The following RALYL variants were observed in gnomAD, a reference collection of about 807,000 sequenced individuals.
RALYL encodes the protein RALY RNA binding protein like.
A neutral mutation model predicts 35.1 loss-of-function variants in RALYL; 29 were observed. The ratio of observed to expected loss-of-function variants is 0.83; its 90% confidence interval spans 0.61 to 1.13. RALYL has a LOEUF of 1.13. RALYL is among the 50% of genes most tolerant of loss of function. RALYL has a pLI of 0.00. For synonymous variants in RALYL, 120 were observed against 127.6 expected (o/e 0.94, Z 0.40); for missense variants, 359 against 360.4 (o/e 1.00, Z 0.03).
chr8:84,597,431 C>T (rs1564207322), intron 2 of RALYL, among the ~76,000 whole-genome samples: 1 of 152,116 alleles, frequency 6.6e-6, no homozygotes, highest in South Asian at 2.1e-4. Flanking sequence ...TTTTCTCCCT[C>T]CTTTCAAGCT....
chr8:84,773,414 A>G (rs989895609), intron 2 of RALYL, among the ~76,000 whole-genome samples: 4 of 152,176 alleles, frequency 2.6e-5, no homozygotes, highest in Non-Finnish European at 4.4e-5. Flanking sequence ...CATTTCTTGA[A>G]GCACATCTCC....
At chr8:84,222,749 T>G (rs544988877) in intron 1 of RALYL, among the ~76,000 whole-genome samples, 44 of 152,212 alleles carry the variant, frequency 2.9e-4, no homozygotes, top group African/African-American at 1.0e-3. Context: ...TGTGTACCAT[T>G]GAGAACTAAC....
At chr8:84,442,949 C>T (rs1301169365) in intron 1 of RALYL, among the ~76,000 whole-genome samples, 2 of 152,154 alleles carry the variant, frequency 1.3e-5, no homozygotes, top group Admixed American at 1.3e-4. Context: ...TGTTCTACTC[C>T]TCAATTTTCT....
chr8:84,184,761 A>C, intron 1 of RALYL: 3 of 398,262 alleles, frequency 7.5e-6, no homozygotes, highest in Non-Finnish European at 8.9e-6. Flanking sequence ...CGGGCCCTGT[A>C]AGTTCTCCGA....
intron 1 of RALYL, among the ~76,000 whole-genome samples, chr8:84,228,248 A>G (rs1274615398): frequency 1.3e-5 from 2 of 152,066 alleles, no homozygotes; most frequent in African/African-American, 2.4e-5. Flanking sequence ...GAGGAGGGCT[A>G]TGAAATACAG....
At chr8:84,456,352 A>C (rs896522086) in intron 1 of RALYL, among the ~76,000 whole-genome samples, 2 of 152,078 alleles carry the variant, frequency 1.3e-5, no homozygotes, top group Non-Finnish European at 2.9e-5. Context: ...TTATACCAAC[A>C]GGAAGCCAAG....
chr8:84,913,402 T>A (rs1405138733), intron 8 of RALYL, among the ~76,000 whole-genome samples: 1 of 152,060 alleles, frequency 6.6e-6, no homozygotes, highest in African/African-American at 2.4e-5. Context: ...AGAATTCAAC[T>A]TTTACTGAAT....
chr8:84,530,402 A>G (rs143811255), intron 2 of RALYL, among the ~76,000 whole-genome samples: 2 of 152,104 alleles, frequency 1.3e-5, no homozygotes, highest in East Asian at 3.9e-4. Context: ...TGCCCAGAAC[A>G]AAACCCATGA....
chr8:84,687,514 C>T lies in RALYL; in HGVS notation c.257-87065C>T, dbSNP rs1837061754. 1.3e-5 allele frequency among the ~76,000 whole-genome samples: 2 copies of T among 152,154 alleles called. 1 individual carries two copies. Among genetic ancestry groups the T allele is most frequent in the South Asian group, 4.1e-4 (2 of 4,824 alleles). ...GATCAAATTTATTATAGTTTCCGAT[C>T]CTTTGAGAACACTGAAATCTAAGTT... On this transcript the variant is annotated intron_variant, in intron 2 of 8. Transcript: ENST00000521268.
chr8:84,271,828 G>A (rs1381319340), intron 1 of RALYL, among the ~76,000 whole-genome samples: 4 of 152,240 alleles, frequency 2.6e-5, no homozygotes, highest in Middle Eastern at 3.4e-3. Flanking sequence ...GCTGGGAGGA[G>A]GAGTGGGGAA....
At chr8:84,221,732 C>A (rs1822268655) in intron 1 of RALYL, among the ~76,000 whole-genome samples, 1 of 151,964 alleles carries the variant, frequency 6.6e-6, no homozygotes, top group African/African-American at 2.4e-5. Flanking sequence ...ATAGGGAAAT[C>A]TAAAATTAAA....
intron 1 of RALYL, among the ~76,000 whole-genome samples, chr8:84,318,474 C>G (rs1844179890): frequency 6.6e-6 from 1 of 152,224 alleles, no homozygotes; most frequent in Non-Finnish European, 1.5e-5. Context: ...TTCTGTTTCT[C>G]TCACAACATT....
At chr8:84,833,960 GT>G (rs766619912) in intron 4 of RALYL, among the ~76,000 whole-genome samples, 1 of 151,708 alleles carries the variant, frequency 6.6e-6, no homozygotes, top group Non-Finnish European at 1.5e-5. Flanking sequence ...ATTATCATCT[GT>G]TTTGACATCA....
At chr8:84,395,027 G>A (rs1451348119) in intron 1 of RALYL, among the ~76,000 whole-genome samples, 1 of 151,672 alleles carries the variant, frequency 6.6e-6, no homozygotes. Flanking sequence ...CATGTTCCTG[G>A]TAAAACATTT....
At chr8:84,645,082 G>C (rs1298288067) in intron 2 of RALYL, among the ~76,000 whole-genome samples, 1 of 151,862 alleles carries the variant, frequency 6.6e-6, no homozygotes, top group Non-Finnish European at 1.5e-5. Context: ...ATAGAATTCA[G>C]TTTTGCTTTA....
intron 1 of RALYL, among the ~76,000 whole-genome samples, chr8:84,486,009 C>CTT (rs3043836): frequency 8.6e-4 from 90 of 104,920 alleles, no homozygotes; most frequent in African/African-American, 9.8e-4. Context: ...AAATCAAAAG[C>CTT]TTTTTTTTTT....
At chr8:84,531,067 A>G (rs983431181) in intron 2 of RALYL, among the ~76,000 whole-genome samples, 2 of 152,114 alleles carry the variant, frequency 1.3e-5, no homozygotes, top group African/African-American at 4.8e-5. Flanking sequence ...TTCACTGTCT[A>G]TTCTATTACT....
intron 1 of RALYL, among the ~76,000 whole-genome samples, chr8:84,251,576 T>C (rs1586552852): frequency 1.3e-5 from 2 of 152,264 alleles, no homozygotes; most frequent in Non-Finnish European, 2.9e-5. Context: ...ACATTCCACT[T>C]TGTCTGAAAT....
At chr8:84,626,610 G>A (rs908102855) in intron 2 of RALYL, among the ~76,000 whole-genome samples, 2 of 152,102 alleles carry the variant, frequency 1.3e-5, no homozygotes. Context: ...AATGAAAATT[G>A]AGATTCCTGA....
Sources: gnomAD v4.1 joint callset for allele counts (sites outside exome capture counted in the v4.1 genomes callset) on GRCh38, gnomAD v4.1.1 for gene constraint, MANE v1.5 for transcripts, NCBI Gene and HGNC (gene_info 2026-07-23, HGNC 2026-07-21) for gene names.